Variants in NKAIN3 observed in about 807,000 individuals in gnomAD.
The protein encoded by NKAIN3 is sodium/potassium-transporting ATPase subunit beta-1-interacting protein 3.
A neutral mutation model predicts 30.2 loss-of-function variants in NKAIN3; 25 were observed. The observed-to-expected ratio is 0.83, with a 90% CI of 0.60 to 1.16. NKAIN3 has a LOEUF of 1.16. Ranked by LOEUF, NKAIN3 falls within the 50% of genes most tolerant of loss-of-function variation. The pLI, the probability that NKAIN3 is intolerant of heterozygous loss-of-function variation, is 0.00. For synonymous variants in NKAIN3, 91 were observed against 89.6 expected (o/e 1.02, Z -0.09); for missense variants, 225 against 254.1 (o/e 0.89, Z 0.78).
At chr8:62,653,361 C>T (rs1230168495) in intron 3 of NKAIN3, among the ~76,000 whole-genome samples, 1 of 152,144 alleles carries the variant, frequency 6.6e-6, no homozygotes. Flanking sequence ...GAAGCCCCTA[C>T]TGTCATGATC....
chr8:62,254,740 A>G (rs1044010979), intron 1 of NKAIN3, among the ~76,000 whole-genome samples: 7 of 152,242 alleles, frequency 4.6e-5, no homozygotes, highest in Non-Finnish European at 7.3e-5. Flanking sequence ...CAAAGTCAAC[A>G]TAAGCAGTGA....
At chr8:62,639,052 AAAAG>A (rs1157807712) in intron 3 of NKAIN3, among the ~76,000 whole-genome samples, 2 of 152,190 alleles carry the variant, frequency 1.3e-5, no homozygotes, top group South Asian at 4.1e-4. Context: ...AAATTAGAAA[AAAAG>A]AACTCAAAAC....
chr8:62,579,753 AG>A (rs1810235460), intron 2 of NKAIN3, 77 bp downstream of exon 2: 2 of 838,008 alleles, frequency 2.4e-6, no homozygotes, highest in Admixed American at 4.0e-5. Flanking sequence ...AATATTTCTA[AG>A]TGGCCCCTTC....
Position 62,972,868 on chromosome 8 carries a change from C to G in NKAIN3, c.*7461C>G, listed in dbSNP as rs1384353163. On this transcript the variant is annotated 3_prime_UTR_variant, in exon 7 of 7. Transcript: ENST00000623646. Reference sequence around the variant, plus strand: ...AGGCCCTGGTGTGTGATGTTCCCCTCCCTGTGCCCATATGTTCTCATTGTT... The same window carrying G: ...AGGCCCTGGTGTGTGATGTTCCCCTGCCTGTGCCCATATGTTCTCATTGTT... Among the ~76,000 whole-genome samples, 1 of 151,156 alleles carries G rather than the reference C, an allele frequency of 6.6e-6. No individual in the cohort carries two copies. The highest frequency in any genetic ancestry group is 1.5e-5 in the Non-Finnish European group (1 of 67,862).
intron 4 of NKAIN3, among the ~76,000 whole-genome samples, chr8:62,858,022 C>T (rs937232579): frequency 2.1e-5 from 3 of 144,022 alleles, no homozygotes; most frequent in African/African-American, 7.9e-5. Context: ...ATGGGGTTCT[C>T]ACAGGGATTT....
chr8:62,552,333 C>A (rs567255815), intron 1 of NKAIN3, among the ~76,000 whole-genome samples: 1 of 152,292 alleles, frequency 6.6e-6, no homozygotes, highest in Non-Finnish European at 1.5e-5. Context: ...CAGCATGAGT[C>A]TGATAATCCC....
At chr8:62,505,913 T>C (rs144706224) in intron 1 of NKAIN3, among the ~76,000 whole-genome samples, 30 of 152,210 alleles carry the variant, frequency 2.0e-4, no homozygotes, top group African/African-American at 6.7e-4. Context: ...TCTTTTATGG[T>C]GACTCAAAGG....
chr8:62,907,165 C>A (rs1821800554), intron 4 of NKAIN3, among the ~76,000 whole-genome samples: 3 of 152,190 alleles, frequency 2.0e-5, no homozygotes, highest in African/African-American at 7.2e-5. Flanking sequence ...TTTGCCCCTG[C>A]CCTAGAGATC....
chr8:62,304,679 G>A (rs1439844851), intron 1 of NKAIN3, among the ~76,000 whole-genome samples: 2 of 150,280 alleles, frequency 1.3e-5, no homozygotes, highest in African/African-American at 2.5e-5. Context: ...GTCTTCTGGG[G>A]TAATTACTTA....
At position 62,526,303 on chromosome 8, in the gene NKAIN3, G is replaced by A. The variant is rs566121964; in HGVS notation, c.55-53236G>A. On this transcript the variant is annotated intron_variant, in intron 1 of 6. Transcript: ENST00000623646. Reference sequence around the variant, plus strand: ...AACCTTTGGATTTGACAGAAAACCAGTTCAGCTGAAAGACATTAATCAGTA... The same window carrying A: ...AACCTTTGGATTTGACAGAAAACCAATTCAGCTGAAAGACATTAATCAGTA... Among the ~76,000 whole-genome samples the A allele has an allele frequency of 7.2e-5, 11 of 152,204 alleles. No individual in the cohort carries two copies. In the South Asian group the frequency reaches 1.9e-3, roughly 26 times the overall value.
At chr8:62,923,884 C>A (rs1822356267) in intron 5 of NKAIN3, among the ~76,000 whole-genome samples, 1 of 152,188 alleles carries the variant, frequency 6.6e-6, no homozygotes, top group South Asian at 2.1e-4. Flanking sequence ...GTTACTGAGA[C>A]AGACTCTCTC....
chr8:62,818,813 A>T (rs1328287906), intron 4 of NKAIN3, among the ~76,000 whole-genome samples: 1 of 152,038 alleles, frequency 6.6e-6, no homozygotes, highest in East Asian at 1.9e-4. Context: ...TACAGGCTAG[A>T]TCCTAAAGGG....
chr8:62,610,723 A>T (rs1416705878), intron 3 of NKAIN3, among the ~76,000 whole-genome samples: 1 of 152,068 alleles, frequency 6.6e-6, no homozygotes, highest in Non-Finnish European at 1.5e-5. Context: ...ATAACGTCAC[A>T]CTGCTTATTT....
chr8:62,517,591 G>A (rs1248824050), intron 1 of NKAIN3, among the ~76,000 whole-genome samples: 1 of 152,126 alleles, frequency 6.6e-6, no homozygotes, highest in East Asian at 1.9e-4. Context: ...TAACTACAAA[G>A]AGGCAGGGAA....
intron 1 of NKAIN3, among the ~76,000 whole-genome samples, chr8:62,284,416 C>T (rs367987547): frequency 3.2e-4 from 48 of 152,046 alleles, no homozygotes; most frequent in East Asian, 2.1e-3. Flanking sequence ...CACCTGAGGT[C>T]GGGAGTTTGA....
chr8:62,542,167 G>A (rs1294571603), intron 1 of NKAIN3, among the ~76,000 whole-genome samples: 13 of 152,132 alleles, frequency 8.5e-5, no homozygotes, highest in Admixed American at 7.9e-4. Flanking sequence ...GCTGAGAAGT[G>A]GCAGTTTTTA....
chr8:62,824,707 A>G (rs899677), intron 4 of NKAIN3, among the ~76,000 whole-genome samples: 2 of 151,754 alleles, frequency 1.3e-5, no homozygotes, highest in Admixed American at 1.3e-4. Flanking sequence ...TCTCCACTAT[A>G]TTTCACCTAT....
chr8:62,783,170 C>T (rs1481790143), intron 4 of NKAIN3, among the ~76,000 whole-genome samples: 1 of 151,972 alleles, frequency 6.6e-6, no homozygotes, highest in Non-Finnish European at 1.5e-5. Context: ...TTTGTCCCCC[C>T]AAAATTCATA....
intron 4 of NKAIN3, among the ~76,000 whole-genome samples, chr8:62,861,412 A>G (rs1820235137): frequency 6.6e-6 from 1 of 152,106 alleles, no homozygotes; most frequent in African/African-American, 2.4e-5. Context: ...TCTGCATACT[A>G]CCTAGTCCCT....
Sources: allele counts gnomAD v4.1 joint callset (sites outside exome capture counted in the v4.1 genomes callset), GRCh38; gene constraint gnomAD v4.1.1; transcripts MANE v1.5; gene names NCBI Gene and HGNC (gene_info 2026-07-23, HGNC 2026-07-21).